RAD51C: variants seen among roughly 807,000 people sequenced by gnomAD.
RAD51C encodes DNA repair protein RAD51 homolog 3.
A neutral mutation model predicts 45.0 loss-of-function variants in RAD51C; 42 were observed. The observed-to-expected ratio is 0.93, with a 90% confidence interval of 0.73 to 1.21. The LOEUF (loss-of-function observed/expected upper bound fraction) is 1.21. RAD51C is among the 50% of genes most tolerant of loss of function. The pLI, the probability that RAD51C is intolerant of heterozygous loss-of-function variation, is 0.00. For missense variants in RAD51C, 474 were observed against 452.2 expected (o/e 1.05, Z -0.44); for synonymous variants, 172 against 159.8 (o/e 1.08, Z -0.58).
At chr17:58,720,441 A>G (rs2048878869) in intron 5 of RAD51C, among the ~76,000 whole-genome samples, 2 of 151,822 alleles carry the variant, frequency 1.3e-5, no homozygotes, top group Admixed American at 6.6e-5. Flanking sequence ...ATAAAAAATA[A>G]AATCACAAGA....
At chr17:58,700,200 C>G (rs1463984638) in intron 3 of RAD51C, 5 of 152,172 alleles carry the variant, frequency 3.3e-5, no homozygotes, top group African/African-American at 1.2e-4. Context: ...CTGGACTCCC[C>G]TGTGTTGTTA....
chr17:58,695,960 G>A (rs571023813), intron 2 of RAD51C, among the ~76,000 whole-genome samples: 15 of 151,996 alleles, frequency 9.9e-5, no homozygotes, highest in South Asian at 2.1e-4. Context: ...TCAGCTCCTC[G>A]GGAGGCTGAG....
At chr17:58,726,575 TG>T (rs1338466224) in intron 7 of RAD51C, among the ~76,000 whole-genome samples, 1 of 126,170 alleles carries the variant, frequency 7.9e-6, no homozygotes, top group African/African-American at 2.7e-5. Flanking sequence ...TGTATATATG[TG>T]TATACATATA....
chr17:58,695,884 T>C (rs1222021518), intron 2 of RAD51C, among the ~76,000 whole-genome samples: 3 of 150,794 alleles, frequency 2.0e-5, no homozygotes, highest in East Asian at 2.0e-4. Flanking sequence ...CTAGTCAACA[T>C]GGCGAAACCC....
rs1555605608 is a variant in RAD51C, at chr17:58,734,189, G to C, written c.1098G>C (p.Arg366=). 1 of 1,613,134 alleles carries C rather than the reference G, an allele frequency of 6.2e-7. No individual in the cohort carries two copies. The highest frequency in any genetic ancestry group is 1.3e-5 in the African/African-American group (1 of 75,012). ...SLQTEGSLST[R]KRSRDPEEEL is the part of the protein sequence containing the mutation. ...AAACAGAAGGTTCCTTGAGCACCCG[G>C]AAACGGTCACGAGACCCAGAGGAAG... Residue 366 remains arginine (R), a synonymous_variant, in exon 9 of 9, where the codon CGG becomes CGC. Transcript: ENST00000337432.
At chr17:58,715,083 A>G (rs2048683286) in intron 5 of RAD51C, among the ~76,000 whole-genome samples, 1 of 151,660 alleles carries the variant, frequency 6.6e-6, no homozygotes, top group Non-Finnish European at 1.5e-5. Context: ...TTTGTACCCT[A>G]TGGAGAAAGT....
chr17:58,730,658 C>G (rs1341681758), intron 7 of RAD51C, among the ~76,000 whole-genome samples: 2 of 152,000 alleles, frequency 1.3e-5, no homozygotes, highest in African/African-American at 4.8e-5. Context: ...CCAAAATGTC[C>G]TTTTTGAATT....
chr17:58,730,131 T>C (rs2049354183), intron 7 of RAD51C, among the ~76,000 whole-genome samples: 1 of 151,124 alleles, frequency 6.6e-6, no homozygotes, highest in African/African-American at 2.4e-5. Flanking sequence ...TAGGGAATTA[T>C]AAAAGTTTAT....
chr17:58,704,418 A>G (rs2048312687), intron 4 of RAD51C, among the ~76,000 whole-genome samples: 1 of 150,412 alleles, frequency 6.6e-6, no homozygotes, highest in Non-Finnish European at 1.5e-5. Context: ...GACTACAGGC[A>G]TGCGCCACAA....
In RAD51C at chr17:58,700,964, A is replaced by C. The variant is rs569467917; in HGVS notation, c.572-2232A>C. On this transcript the variant is annotated intron_variant, in intron 3 of 8. Transcript: ENST00000337432. ...CAGGCCGGATTGCAGTGGCATGATC[A>C]CAATTCACTGCAGCCTTGACCTCCC... 1.4e-4 allele frequency among the ~76,000 whole-genome samples: 22 copies of C among 152,224 alleles called. No individual in the cohort carries two copies. The East Asian group carries it at 4.3e-3, about 30-fold the overall frequency.
chr17:58,726,320 T>A (rs1215196304), intron 7 of RAD51C, among the ~76,000 whole-genome samples: 1 of 151,290 alleles, frequency 6.6e-6, no homozygotes, highest in Non-Finnish European at 1.5e-5. Context: ...AGCTACTATT[T>A]ATTGAATATT....
At chr17:58,702,937 G>A (rs1330323901) in intron 3 of RAD51C, among the ~76,000 whole-genome samples, 3 of 152,216 alleles carry the variant, frequency 2.0e-5, no homozygotes, top group Non-Finnish European at 1.5e-5. Flanking sequence ...TATAAATGAC[G>A]AGTTAATGGG....
chr17:58,694,079 A>C (rs1286416616), intron 1 of RAD51C: 1 of 151,506 alleles, frequency 6.6e-6, no homozygotes, highest in African/African-American at 2.4e-5. Context: ...GTAGTCGAGG[A>C]AGCATAAATG....
intron 5 of RAD51C, among the ~76,000 whole-genome samples, chr17:58,715,428 T>C (rs375097705): frequency 2.3e-5 from 3 of 131,580 alleles, no homozygotes; most frequent in African/African-American, 8.8e-5. Flanking sequence ...CACTCCAGCC[T>C]GGGCAACAAG....
upstream of RAD51C, chr17:58,692,584 GCACGCCCCAGCGA>G: frequency 1.3e-6 from 2 of 1,597,980 alleles, no homozygotes; most frequent in Non-Finnish European, 8.5e-7. Flanking sequence ...ACGTCACGCC[GCACGCCCCAGCGA>G]GGGCGTGCGG....
At chr17:58,703,481 A>G (rs1598473954) in intron 4 of RAD51C, 152 bp downstream of exon 4, 2 of 780,604 alleles carry the variant, frequency 2.6e-6, no homozygotes, top group East Asian at 5.5e-5. Context: ...ATTTATATTT[A>G]TATTTGTTTT....
In RAD51C at chr17:58,723,668, A is replaced by T. The variant is rs116213969; in HGVS notation, c.905-372A>T. 5.3e-3 allele frequency among the ~76,000 whole-genome samples: 812 copies of T among 152,200 alleles called. 5 individuals are homozygous for T. The highest frequency in any genetic ancestry group is 0.018 in the African/African-American group (755 of 41,544). On this transcript the variant is annotated intron_variant, in intron 6 of 8. Coordinates refer to ENST00000337432, the MANE Select transcript of RAD51C (RefSeq NM_058216.3). ...CACTGTAGTTCATTTCGATGACATG[A>T]ATATGCCACAACTTAATTATATATT...
intron 3 of RAD51C, 45 bp from the exon 4 acceptor site, chr17:58,703,151 A>G: frequency 6.3e-7 from 1 of 1,590,162 alleles, no homozygotes; most frequent in Non-Finnish European, 8.6e-7. Flanking sequence ...AATTGCCAAT[A>G]CATCCAAACA....
At chr17:58,700,109 G>A (rs1001464892) in intron 3 of RAD51C, 3 of 152,084 alleles carry the variant, frequency 2.0e-5, no homozygotes, top group African/African-American at 4.8e-5. Context: ...CTCCTACGTC[G>A]GCTTCCCTAA....
Sources: gnomAD v4.1 joint callset for allele counts (sites outside exome capture counted in the v4.1 genomes callset) on GRCh38, gnomAD v4.1.1 for gene constraint, MANE v1.5 for transcripts, NCBI Gene and HGNC (gene_info 2026-07-23, HGNC 2026-07-21) for gene names.